Variants in ENTREP2 observed in about 807,000 individuals in gnomAD.
The protein encoded by ENTREP2 is endosomal transmembrane epsin interactor 2.
At chr15:29,369,592 AACAC>A in the ENTREP2 span, among the ~76,000 whole-genome samples, 1,102 of 149,446 alleles carry the variant, frequency 7.4e-3, 7 homozygotes, top group Middle Eastern at 0.021. Flanking sequence ...GCTGAAATTA[AACAC>A]ACACACACAC....
At chr15:29,321,087 G>A in the ENTREP2 span, among the ~76,000 whole-genome samples, 1 of 151,884 alleles carries the variant, frequency 6.6e-6, no homozygotes, top group African/African-American at 2.4e-5. Flanking sequence ...CCAAACCAGA[G>A]ATCAAAGAAG....
the ENTREP2 span, among the ~76,000 whole-genome samples, chr15:29,455,006 G>A: frequency 9.2e-5 from 14 of 152,298 alleles, no homozygotes; most frequent in African/African-American, 3.1e-4. Flanking sequence ...GAGGAAATCC[G>A]TCTCCACCTG....
At chr15:29,194,708 C>G in the ENTREP2 span, among the ~76,000 whole-genome samples, 1 of 152,132 alleles carries the variant, frequency 6.6e-6, no homozygotes, top group Non-Finnish European at 1.5e-5. Context: ...AGACTGCATT[C>G]TTAGAGACAG....
chr15:29,621,471 C>T, the ENTREP2 span, among the ~76,000 whole-genome samples: 7 of 133,158 alleles, frequency 5.3e-5, no homozygotes, highest in Non-Finnish European at 7.7e-5. Context: ...TGCAGTGAGC[C>T]GAGATCGTGC....
At chr15:29,663,180 T>C in the ENTREP2 span, among the ~76,000 whole-genome samples, 5 of 152,096 alleles carry the variant, frequency 3.3e-5, no homozygotes, top group African/African-American at 1.2e-4. Context: ...GGGAGAGCTT[T>C]AGGAGAGGCA....
the ENTREP2 span, chr15:29,268,032 A>G: frequency 6.6e-6 from 1 of 152,348 alleles, no homozygotes; most frequent in East Asian, 1.9e-4. Context: ...GTTTCACACA[A>G]AAGTGAAACA....
chr15:29,232,952 A>G, the ENTREP2 span, among the ~76,000 whole-genome samples: 2 of 152,186 alleles, frequency 1.3e-5, no homozygotes, highest in African/African-American at 2.4e-5. Flanking sequence ...ATTTGTGCTA[A>G]CCCTAAATAG....
At chr15:29,635,719 T>C in the ENTREP2 span, among the ~76,000 whole-genome samples, 1 of 152,226 alleles carries the variant, frequency 6.6e-6, no homozygotes, top group Middle Eastern at 3.2e-3. Flanking sequence ...GTTGATGATG[T>C]GAGACCACAG....
chr15:29,167,910 G>A, the ENTREP2 span, among the ~76,000 whole-genome samples: 2 of 152,158 alleles, frequency 1.3e-5, no homozygotes, highest in Admixed American at 1.3e-4. Flanking sequence ...TTGCAAAATT[G>A]TGGAACCAAC....
At chr15:29,487,641 G>C in the ENTREP2 span, among the ~76,000 whole-genome samples, 1 of 152,132 alleles carries the variant, frequency 6.6e-6, no homozygotes, top group Non-Finnish European at 1.5e-5. Flanking sequence ...CTGAGGTGGG[G>C]GAAGAATCTG....
chr15:29,174,707 C>CA, the ENTREP2 span, among the ~76,000 whole-genome samples: 91 of 138,358 alleles, frequency 6.6e-4, 1 homozygote, highest in African/African-American at 2.4e-3. Context: ...CAAAACAAAA[C>CA]AACAAAAAAA....
the ENTREP2 span, among the ~76,000 whole-genome samples, chr15:29,508,466 A>G: frequency 2.0e-5 from 3 of 152,352 alleles, no homozygotes; most frequent in African/African-American, 7.2e-5. Context: ...TTTCAGGCCA[A>G]CATCCCTGAT....
chr15:29,667,360 T>C, the ENTREP2 span, among the ~76,000 whole-genome samples: 1 of 145,444 alleles, frequency 6.9e-6, no homozygotes. Flanking sequence ...GCTAATTTTT[T>C]TGTATTTTTA....
chr15:29,211,373 C>G, the ENTREP2 span, among the ~76,000 whole-genome samples: 2 of 152,220 alleles, frequency 1.3e-5, no homozygotes, highest in African/African-American at 4.8e-5. Context: ...ACAAGCCCCT[C>G]CCAGCATGAC....
At chr15:29,657,092 C>A in the ENTREP2 span, among the ~76,000 whole-genome samples, 3 of 152,142 alleles carry the variant, frequency 2.0e-5, no homozygotes, top group Non-Finnish European at 2.9e-5. Context: ...CTGTTCCTCA[C>A]GCCAGAGGGC....
At chr15:29,493,488 C>T in the ENTREP2 span, among the ~76,000 whole-genome samples, 8 of 152,206 alleles carry the variant, frequency 5.3e-5, no homozygotes, top group South Asian at 2.1e-4. Context: ...GCAAACAGCA[C>T]GCTTAATGCT....
the ENTREP2 span, among the ~76,000 whole-genome samples, chr15:29,282,073 A>T: frequency 6.6e-6 from 1 of 152,108 alleles, no homozygotes; most frequent in South Asian, 2.1e-4. Context: ...AGCTATAAAG[A>T]TGTATCCTCA....
the ENTREP2 span, chr15:29,123,501 A>G: frequency 2.6e-6 from 4 of 1,551,708 alleles, no homozygotes; most frequent in East Asian, 2.4e-5. Context: ...TGGCATCCGC[A>G]TAGGCCTTGC....
At chr15:29,486,528 T>C in the ENTREP2 span, among the ~76,000 whole-genome samples, 5 of 152,026 alleles carry the variant, frequency 3.3e-5, no homozygotes, top group Admixed American at 3.3e-4. Context: ...CCATCTCCAC[T>C]AAAGACATAA....
Sources: allele counts gnomAD v4.1 joint callset (sites outside exome capture counted in the v4.1 genomes callset), GRCh38; gene constraint gnomAD v4.1.1; transcripts MANE v1.5; gene names NCBI Gene and HGNC (gene_info 2026-07-23, HGNC 2026-07-21).